Variants in ZBTB49 observed in about 807,000 individuals in gnomAD.
ZBTB49 encodes the protein zinc finger and BTB domain-containing protein 49.
Under a neutral mutation model 57.5 loss-of-function variants are expected in ZBTB49, and 43 were observed. The observed-to-expected ratio is 0.75, with a 90% CI of 0.59 to 0.97. ZBTB49 has a LOEUF of 0.97. ZBTB49 is among the 50% of genes least tolerant of loss of function. The pLI is 0.00. For missense variants in ZBTB49, 938 were observed against 947.7 expected, an observed-to-expected ratio of 0.99 and a Z score of 0.13; for synonymous variants, 369 against 362.1, an observed-to-expected ratio of 1.02 and a Z score of -0.22.
Position 4,303,393 on chromosome 4 carries a change from C to A in ZBTB49, c.1255+302C>A, listed in dbSNP as rs192405736. On this transcript the variant is annotated intron_variant, in intron 3 of 7. Transcript: ENST00000337872. ...AAGAAAGTATAGTAATTTTGGTGCA[C>A]CCAGAATTTCAAATTAATTCTAAAA... Among the ~76,000 whole-genome samples the A allele has an allele frequency of 7.2e-5, 11 of 152,196 alleles. No individual in the cohort carries two copies. The East Asian group carries it at 1.9e-3, about 27-fold the overall frequency.
At chr4:4,304,926 T>TTGTTAA (rs1720672456) in intron 3 of ZBTB49, among the ~76,000 whole-genome samples, 1 of 83,752 alleles carries the variant, frequency 1.2e-5, no homozygotes, top group East Asian at 3.1e-4. Flanking sequence ...CAAAAGCTCT[T>TTGTTAA]TAGGACCTCA....
intron 7 of ZBTB49, 126 bp downstream of exon 7, chr4:4,316,096 C>T (rs1414378736): frequency 2.4e-6 from 3 of 1,226,258 alleles, no homozygotes; most frequent in Non-Finnish European, 3.4e-6. Context: ...TTTATTGCCT[C>T]ACATGATCTC....
rs552222331 is a variant in ZBTB49 at position 4,297,582 on chromosome 4, CAAG to C, written c.-19-2344_-19-2342del. 7.9e-5 allele frequency among the ~76,000 whole-genome samples: 12 copies of C among 152,148 alleles called. No individual in the cohort carries two copies. In the East Asian group the frequency reaches 2.3e-3, roughly 30 times the overall value. On this transcript the variant is annotated intron_variant, in intron 1 of 7. Coordinates refer to ENST00000337872, the MANE Select transcript of ZBTB49 (RefSeq NM_145291.4). ...GGCAGATTGCTTAAGCCCAGGAGTTCAAGGCCAGCCTGGGCAATGTAGCAAAAC... is the reference window on the plus strand; with the variant it reads ...GGCAGATTGCTTAAGCCCAGGAGTTCGCCAGCCTGGGCAATGTAGCAAAAC...
At chr4:4,316,715 A>G (rs888829434) in intron 7 of ZBTB49, among the ~76,000 whole-genome samples, 5 of 152,226 alleles carry the variant, frequency 3.3e-5, no homozygotes, top group African/African-American at 1.2e-4. Flanking sequence ...GCACATTCTA[A>G]TTGTAATTGG....
chr4:4,299,996 G>C lies in ZBTB49; in HGVS notation c.51G>C (p.Glu17Asp). Residue 17 changes from glutamate to aspartate, a missense_variant, in exon 2 of 8, where the codon GAG becomes GAC. By Grantham distance (45) the Glu-to-Asp change is conservative. Transcript: ENST00000337872. The part of the protein sequence containing the change: ...HSCHLLQQLH[E>D]QRIQGLLCDC... ...GCCATCTGCTCCAGCAACTGCATGA[G>C]CAGCGAATCCAAGGCCTGCTTTGTG... is the stretch of plus-strand genomic sequence containing the variant. 6.2e-7 allele frequency: 1 copy of C among 1,614,180 alleles called. No homozygotes were observed. Among genetic ancestry groups the C allele is most frequent in the Admixed American group, 1.7e-5 (1 of 60,024 alleles).
intron 1 of ZBTB49, among the ~76,000 whole-genome samples, chr4:4,293,448 G>A (rs1720038394): frequency 6.6e-6 from 1 of 152,182 alleles, no homozygotes; most frequent in Admixed American, 6.5e-5. Context: ...TTATGAATGC[G>A]GCTTTGGTGT....
At chr4:4,319,370 C>T (rs1721316343) in intron 7 of ZBTB49, among the ~76,000 whole-genome samples, 1 of 152,224 alleles carries the variant, frequency 6.6e-6, no homozygotes, top group Non-Finnish European at 1.5e-5. Context: ...GTGAGTTGTG[C>T]AGCTCATTCT....
chr4:4,317,277 G>A (rs1157660177), intron 7 of ZBTB49, among the ~76,000 whole-genome samples: 3 of 152,160 alleles, frequency 2.0e-5, no homozygotes, highest in African/African-American at 4.8e-5. Context: ...GGGGATGGGG[G>A]AGCGCTGAAG....
intron 1 of ZBTB49, among the ~76,000 whole-genome samples, chr4:4,294,945 C>T (rs1465079941): frequency 6.7e-6 from 1 of 148,970 alleles, no homozygotes; most frequent in African/African-American, 2.5e-5. Context: ...TGGGCGATAG[C>T]ATAGCATAAA....
At chr4:4,301,167 C>G (rs1720455578) in intron 2 of ZBTB49, among the ~76,000 whole-genome samples, 1 of 152,154 alleles carries the variant, frequency 6.6e-6, no homozygotes, top group African/African-American at 2.4e-5. Context: ...CGCTTAAAAA[C>G]AGAACTGAAG....
chr4:4,298,188 G>A (rs1720304347), intron 1 of ZBTB49, among the ~76,000 whole-genome samples: 1 of 152,206 alleles, frequency 6.6e-6, no homozygotes, highest in Non-Finnish European at 1.5e-5. Context: ...AGTGAGTGGT[G>A]GAACTAGGTC....
chr4:4,295,584 G>T (rs968696079), intron 1 of ZBTB49, among the ~76,000 whole-genome samples: 2 of 152,236 alleles, frequency 1.3e-5, no homozygotes, highest in Admixed American at 6.5e-5. Flanking sequence ...CTTGGCAGGG[G>T]TGGGTAACTG....
rs1721404364 is a variant in ZBTB49 at position 4,321,254 on chromosome 4, A to G, written c.2236A>G (p.Ser746Gly). The change falls in exon 8 of 8, where the codon AGC (serine) becomes GGC (glycine). Residue 746 changes from serine to glycine, a missense_variant. Transcript: ENST00000337872. ...GAACTCAGAGGGTCAGTTTTTCTCC[A>G]GCATGACTCTCTGGGGGCTAGCGAT... is the stretch of plus-strand genomic sequence containing the variant. ...YRNSEGQFFSSMTLWGLAMKT... is the reference protein window; with the variant it reads ...YRNSEGQFFSGMTLWGLAMKT... The G allele has an allele frequency of 2.5e-6, 4 of 1,614,126 alleles. No homozygotes were observed. In the Middle Eastern group the frequency reaches 4.9e-4, roughly 200 times the overall value.
At chr4:4,318,249 T>C (rs150401746) in intron 7 of ZBTB49, among the ~76,000 whole-genome samples, 3 of 152,384 alleles carry the variant, frequency 2.0e-5, no homozygotes, top group Non-Finnish European at 4.4e-5. Context: ...TTAAGGATGC[T>C]AAAAGTGGTT....
At position 4,315,952 on chromosome 4, in the gene ZBTB49, T is replaced by TA; in HGVS notation, c.1604dup (p.Tyr535Ter). Reference protein sequence around the residue: ...HRIRHTGERPYSCSACGKCFG... With the variant: ...HRIRHTGERP Reference sequence around the variant, plus strand: ...AATTCGGCACACGGGGGAGCGGCCTTACAGCTGCTCTGCCTGCGGTGAGTT... The same window carrying TA: ...AATTCGGCACACGGGGGAGCGGCCTTAACAGCTGCTCTGCCTGCGGTGAGTT... Residue 535 changes from tyrosine to a stop codon, truncating the protein, a stop_gained and frameshift_variant, in exon 7 of 8, where the codon TAC becomes TAAC. Transcript: ENST00000337872. LOFTEE classifies it low-confidence loss of function (END_TRUNC). The TA allele has an allele frequency of 6.2e-7, 1 of 1,614,000 alleles. No individual in the cohort carries two copies. Among genetic ancestry groups the TA allele is most frequent in the Non-Finnish European group, 8.5e-7 (1 of 1,180,018 alleles).
At chr4:4,307,592 A>G (rs1720794520) in intron 4 of ZBTB49, among the ~76,000 whole-genome samples, 1 of 152,158 alleles carries the variant, frequency 6.6e-6, no homozygotes, top group African/African-American at 2.4e-5. Context: ...CGCTCAAGAA[A>G]CGCCAGCATT....
At chr4:4,319,216 T>C (rs1259407334) in intron 7 of ZBTB49, among the ~76,000 whole-genome samples, 1 of 152,006 alleles carries the variant, frequency 6.6e-6, no homozygotes, top group African/African-American at 2.4e-5. Flanking sequence ...ATGTGGAAAA[T>C]GTGCCCAAAG....
chr4:4,303,746 C>CTG (rs1332722042), intron 3 of ZBTB49, among the ~76,000 whole-genome samples: 10 of 48,244 alleles, frequency 2.1e-4, no homozygotes, highest in African/African-American at 6.4e-4. Flanking sequence ...CTCTCTCTCT[C>CTG]TCTCTCTCTC....
At chr4:4,293,118 C>T (rs998786987) in intron 1 of ZBTB49, among the ~76,000 whole-genome samples, 5 of 152,194 alleles carry the variant, frequency 3.3e-5, no homozygotes, top group African/African-American at 9.7e-5. Context: ...CCCAGAGTCT[C>T]ATCCATCCAG....
Sources: gnomAD v4.1 joint callset for allele counts (sites outside exome capture counted in the v4.1 genomes callset) on GRCh38, gnomAD v4.1.1 for gene constraint, MANE v1.5 for transcripts, NCBI Gene and HGNC (gene_info 2026-07-23, HGNC 2026-07-21) for gene names.